The following KIF22 variants were observed in gnomAD, a reference collection of about 807,000 sequenced individuals.
KIF22 encodes the protein kinesin family member 22.
Under a neutral mutation model 73.0 loss-of-function variants are expected in KIF22, and 62 were observed. The ratio of observed to expected loss-of-function variants is 0.85; its 90% CI spans 0.69 to 1.05. KIF22 has a LOEUF of 1.05. Ranked by LOEUF, KIF22 falls within the 50% of genes least tolerant of loss-of-function variation. The probability of loss-of-function intolerance (pLI) is 0.00; values close to 1 mark genes in which losing one functional copy is unlikely to be tolerated. For missense variants in KIF22, 854 were observed against 870.1 expected (o/e 0.98, Z 0.23); for synonymous variants, 411 against 340.1 (o/e 1.21, Z -2.29).
chr16:29,799,537 G>C, intron 6 of KIF22, 43 bp downstream of exon 6: 1 of 1,612,688 alleles, frequency 6.2e-7, no homozygotes. Context: ...TGCAGAAGGA[G>C]GTTCTCAGGC....
Position 29,797,109 on chromosome 16 carries a change from C to A in KIF22, c.266+21C>A, listed in dbSNP as rs753348423. ...TACCAGTAAGGTTCAGGCCACTCCT[C>A]TTCCCTCATGCCATCACCTCCCTCT... On this transcript the variant is annotated intron_variant, in intron 2 of 13. Coordinates refer to ENST00000160827, the MANE Select transcript of KIF22 (RefSeq NM_007317.3). The surrounding 1 kb of genome is among the most constrained non-coding windows in gnomAD (Gnocchi z 4.1). 1.2e-5 allele frequency: 18 copies of A among 1,527,424 alleles called. No homozygotes were observed. The highest frequency in any genetic ancestry group is 1.6e-5 in the Non-Finnish European group (18 of 1,130,012). The allele number at this position is 1,527,424 out of a possible 1,614,324, so 94.6% of individuals were successfully genotyped here.
intron 1 of KIF22, among the ~76,000 whole-genome samples, chr16:29,794,298 A>T (rs894499340): frequency 2.0e-5 from 3 of 152,220 alleles, no homozygotes; most frequent in Admixed American, 6.5e-5. Context: ...GACGGACATT[A>T]AAAAGCACTT....
Position 29,799,706 on chromosome 16 carries a change from T to A in KIF22, c.1069T>A (p.Ser357Thr), listed in dbSNP as rs142042059. 10,118 of 1,613,684 alleles carry A rather than the reference T, an allele frequency of 6.3e-3. 510 individuals carry two copies. In the African/African-American group the frequency reaches 0.11, roughly 18 times the overall value. ...PERRFYLDTV[S>T]ALNFAARSKE... is the part of the protein sequence containing the mutation. ...GAGACGCTTCTACCTAGACACAGTC[T>A]CCGCACTCAACTTTGCTGCCAGGTC... Residue 357 changes from serine (S) to threonine (T), a missense_variant, in exon 7 of 14, where the codon TCC becomes ACC. By Grantham distance (58) the Ser-to-Thr change is moderately conservative. Transcript: ENST00000160827.
At chr16:29,803,669 G>T in intron 10 of KIF22, 61 bp downstream of exon 10, 1 of 1,337,292 alleles carries the variant, frequency 7.5e-7, no homozygotes, top group Non-Finnish European at 1.0e-6. Context: ...GGGAGGAAGT[G>T]TTAGGAGCAG....
chr16:29,803,678 A>G, intron 10 of KIF22, 70 bp downstream of exon 10: 2 of 1,262,294 alleles, frequency 1.6e-6, no homozygotes, highest in South Asian at 1.3e-5. Flanking sequence ...TGTTAGGAGC[A>G]GCTGTCTCCA....
chr16:29,791,992 A>T (rs560229071), intron 1 of KIF22, among the ~76,000 whole-genome samples: 1 of 152,342 alleles, frequency 6.6e-6, no homozygotes, highest in African/African-American at 2.4e-5. Flanking sequence ...TACGAAACAC[A>T]ATGAGAGATG....
At position 29,800,062 on chromosome 16, in the gene KIF22, C is replaced by T; in HGVS notation, c.1280+14C>T. On this transcript the variant is annotated intron_variant, in intron 8 of 13. Transcript: ENST00000160827. ...CCAGAAACTCAGGTGAGCAGTGGGGCCTTGGGTGTATCCCCTTCCTGATGT... is the reference window on the plus strand; with the variant it reads ...CCAGAAACTCAGGTGAGCAGTGGGGTCTTGGGTGTATCCCCTTCCTGATGT... 2.5e-6 allele frequency: 4 copies of T among 1,604,182 alleles called. No homozygotes were observed. The highest frequency in any genetic ancestry group is 3.4e-6 in the Non-Finnish European group (4 of 1,178,160).
intron 1 of KIF22, among the ~76,000 whole-genome samples, chr16:29,793,834 G>C (rs992545276): frequency 6.6e-5 from 10 of 152,126 alleles, no homozygotes; most frequent in Non-Finnish European, 1.3e-4. Flanking sequence ...AGAAAACTAG[G>C]TAAGACAACC....
rs1368425280 is a variant in KIF22 at position 29,804,817 on chromosome 16, G to A, written c.1681G>A (p.Glu561Lys). ...CTCATCTCCCTTTGCCTCCCAGCTG[G>A]AGTCCCTGGATGCCCTAGAGCCTGA... Reference protein sequence around the residue: ...LKNKGRKRKLESLDALEPEEK... With the variant: ...LKNKGRKRKLKSLDALEPEEK... Residue 561 changes from glutamate to lysine, a missense_variant, in exon 12 of 14, where the codon GAG (glutamate) becomes AAG (lysine). Around this residue, in one of 3 missense-constraint regions of KIF22, gnomAD observed 423 missense variants for 365.4 expected, o/e 1.16. Transcript: ENST00000160827. 2 of 1,605,250 alleles carry A rather than the reference G, an allele frequency of 1.2e-6. No individual in the cohort carries two copies. The highest frequency in any genetic ancestry group is 1.7e-6 in the Non-Finnish European group (2 of 1,175,824).
intron 11 of KIF22, 139 bp downstream of exon 11, chr16:29,804,204 C>A: frequency 1.4e-6 from 1 of 714,920 alleles, no homozygotes; most frequent in Non-Finnish European, 2.5e-6. Flanking sequence ...AACTTGCTTA[C>A]CCCTGGAATG....
At chr16:29,791,312 C>G in intron 1 of KIF22, 1 of 911,090 alleles carries the variant, frequency 1.1e-6, no homozygotes, top group African/African-American at 1.8e-5. Context: ...AGGAACAGAC[C>G]CGGCTGCTGC....
Position 29,802,901 on chromosome 16 carries a change from A to G in KIF22, c.1413A>G (p.Leu471=). ...LSTPKRERMV[L]MKTVEEKDLE... is the part of the protein sequence containing the mutation. Reference sequence around the variant, plus strand: ...CCCCAAAGCGAGAGCGGATGGTGCTAATGAAGACAGTGGAAGAGAAGGACC... The same window carrying G: ...CCCCAAAGCGAGAGCGGATGGTGCTGATGAAGACAGTGGAAGAGAAGGACC... Residue 471 remains leucine (L), a synonymous_variant, in exon 9 of 14, where the codon CTA becomes CTG. Transcript: ENST00000160827. The G allele has an allele frequency of 2.5e-6, 4 of 1,612,692 alleles. No homozygotes were observed. The highest frequency in any genetic ancestry group is 2.5e-6 in the Non-Finnish European group (3 of 1,179,532).
At chr16:29,794,635 G>A (rs1025489990) in intron 1 of KIF22, among the ~76,000 whole-genome samples, 2 of 151,932 alleles carry the variant, frequency 1.3e-5, no homozygotes, top group African/African-American at 4.8e-5. Flanking sequence ...AGGCTGGAGT[G>A]CAGTGGCGCA....
At position 29,805,097 on chromosome 16, in the gene KIF22, T is replaced by C. The variant is rs1464818426; in HGVS notation, c.1891-18T>C. On this transcript the variant is annotated intron_variant, in intron 12 of 13. Coordinates refer to ENST00000160827, the MANE Select transcript of KIF22 (RefSeq NM_007317.3). The stretch of plus-strand genomic sequence containing the variant: ...GGTACCCCCGAGACCCTGTCCCCTA[T>C]CGATCCTGTCCCGCCAGGTGGAGGA... The C allele has an allele frequency of 6.2e-7, 1 of 1,611,920 alleles. No individual in the cohort carries two copies. The highest frequency in any genetic ancestry group is 1.1e-5 in the South Asian group (1 of 90,974).
In KIF22 at chr16:29,796,951, C is replaced by T. The variant is rs765673004; in HGVS notation, c.129C>T (p.Arg43=). The T allele has an allele frequency of 1.1e-5, 17 of 1,613,994 alleles. No individual in the cohort carries two copies. The highest frequency in any genetic ancestry group is 1.3e-5 in the African/African-American group (1 of 74,910). Residue 43 remains arginine (R), a synonymous_variant, in exon 2 of 14, where the codon CGC becomes CGT. Transcript: ENST00000160827. ...IGATRRPPPA[R]VRVAVRLRPF... Reference sequence around the variant, plus strand: ...CTACTCGTCGTCCACCTCCAGCTCGCGTAAGGGTGGCTGTGCGACTGCGGC... The same window carrying T: ...CTACTCGTCGTCCACCTCCAGCTCGTGTAAGGGTGGCTGTGCGACTGCGGC...
In KIF22 at chr16:29,804,811, C is replaced by A; in HGVS notation, c.1678-3C>A. ...GTGTCACTCATCTCCCTTTGCCTCCCAGCTGGAGTCCCTGGATGCCCTAGA... is the reference window on the plus strand; with the variant it reads ...GTGTCACTCATCTCCCTTTGCCTCCAAGCTGGAGTCCCTGGATGCCCTAGA... On this transcript the variant is annotated splice_polypyrimidine_tract_variant and splice_region_variant and intron_variant, in intron 11 of 13. Transcript: ENST00000160827. 6.2e-7 allele frequency: 1 copy of A among 1,600,798 alleles called. No homozygotes were observed. The highest frequency in any genetic ancestry group is 2.2e-5 in the East Asian group (1 of 44,520).
intron 9 of KIF22, 60 bp from the exon 10 acceptor site, chr16:29,803,389 C>G: frequency 6.3e-7 from 1 of 1,597,516 alleles, no homozygotes; most frequent in Non-Finnish European, 8.5e-7. Context: ...TGGTAACCCA[C>G]TCCCTTCAGG....
In KIF22 at chr16:29,797,178, C is replaced by T. The variant is rs1025604713; in HGVS notation, c.266+90C>T. On this transcript the variant is annotated intron_variant, in intron 2 of 13. Transcript: ENST00000160827. This position sits in a 1 kb window ranked among gnomAD's most constrained non-coding sequence, Gnocchi z 4.1. The stretch of plus-strand genomic sequence containing the variant: ...CCCCTGCCTCCCCAGGATCCTTGCT[C>T]CCTCCTTAGCACCGCTTTGTTCCCT... 6.2e-6 allele frequency: 6 copies of T among 960,618 alleles called. No homozygotes were observed. The East Asian group carries it at 1.5e-4, about 25-fold the overall frequency. 59.5% of individuals were successfully genotyped at this position (960,618 alleles called of 1,614,324 possible). A position where few individuals can be genotyped will look rare whatever the true frequency, so the allele number is the denominator to read the frequency against.
Position 29,798,917 on chromosome 16 carries a change from C to T in KIF22, c.550-58C>T. On this transcript the variant is annotated intron_variant, in intron 4 of 13. Transcript: ENST00000160827. This position sits in a 1 kb window ranked among gnomAD's most constrained non-coding sequence, Gnocchi z 4.1. ...ATAGAACAGAGAAAGGAAACTGATC[C>T]CCAGGAAGAAACAGCCTCTCTATGG... is the stretch of plus-strand genomic sequence containing the variant. 1.9e-6 allele frequency: 3 copies of T among 1,574,644 alleles called. No homozygotes were observed. Among genetic ancestry groups the T allele is most frequent in the Non-Finnish European group, 2.6e-6 (3 of 1,144,928 alleles).
Sources: gnomAD v4.1 joint callset for allele counts (sites outside exome capture counted in the v4.1 genomes callset) on GRCh38, gnomAD v4.1.1 for gene constraint, gnomAD v4.1.1 regional missense constraint, Gnocchi (gnomAD v3.1) non-coding constraint, MANE v1.5 for transcripts, NCBI Gene and HGNC (gene_info 2026-07-23, HGNC 2026-07-21) for gene names.